Variants in TMEM163 observed in about 807,000 individuals in gnomAD.
TMEM163 encodes transmembrane protein 163.
In TMEM163, 17 loss-of-function variants were observed where a neutral mutation model predicts 29.3. The observed-to-expected ratio is 0.58, with a 90% CI of 0.40 to 0.87. TMEM163 has a LOEUF of 0.87. TMEM163 is among the 40% of genes least tolerant of loss of function. The pLI, the probability that TMEM163 is intolerant of heterozygous loss-of-function variation, is 0.00. For synonymous variants in TMEM163, 157 were observed against 160.6 expected (o/e 0.98, Z 0.17); for missense variants, 303 against 381.5 (o/e 0.79, Z 1.71).
chr2:134,506,261 C>T (rs1012996283), intron 4 of TMEM163, among the ~76,000 whole-genome samples: 22 of 152,140 alleles, frequency 1.4e-4, no homozygotes, highest in Admixed American at 1.4e-3. Flanking sequence ...CCACAGTCAC[C>T]CCTCCTTCCA....
intron 2 of TMEM163, among the ~76,000 whole-genome samples, chr2:134,686,378 C>T (rs61125201): frequency 0.11 from 17,410 of 152,160 alleles, 3,315 homozygotes; most frequent in African/African-American, 0.39. Flanking sequence ...AAAAGCAATC[C>T]GTACATATTA....
chr2:134,504,204 G>T (rs1321226654), intron 4 of TMEM163, among the ~76,000 whole-genome samples: 2 of 152,176 alleles, frequency 1.3e-5, no homozygotes, highest in African/African-American at 4.8e-5. Context: ...TCCACATTTA[G>T]GAGTGAGGAA....
intron 2 of TMEM163, among the ~76,000 whole-genome samples, chr2:134,673,783 A>G (rs1259783277): frequency 1.3e-5 from 2 of 152,208 alleles, no homozygotes; most frequent in Non-Finnish European, 2.9e-5. Context: ...CCCAAAGCCT[A>G]TGGAAAAACA....
chr2:134,681,136 T>C (rs1424313829), intron 2 of TMEM163, among the ~76,000 whole-genome samples: 2 of 152,280 alleles, frequency 1.3e-5, no homozygotes, highest in Non-Finnish European at 1.5e-5. Context: ...ATCCAACTTA[T>C]ACTGCCGGCT....
intron 2 of TMEM163, among the ~76,000 whole-genome samples, chr2:134,576,681 G>A (rs1384968272): frequency 6.6e-6 from 1 of 152,104 alleles, no homozygotes; most frequent in Non-Finnish European, 1.5e-5. Context: ...GGCCAGCAGG[G>A]GTCATACCTT....
At chr2:134,713,711 A>G (rs1684977377) in intron 1 of TMEM163, 8 of 459,774 alleles carry the variant, frequency 1.7e-5, no homozygotes, top group South Asian at 1.2e-4. Flanking sequence ...CAAACCACCC[A>G]CATTCAGCTG....
chr2:134,710,889 G>A (rs896346431), intron 2 of TMEM163, among the ~76,000 whole-genome samples: 3 of 152,142 alleles, frequency 2.0e-5, no homozygotes, highest in Non-Finnish European at 4.4e-5. Context: ...TAATTCTATA[G>A]CAATCCTCTT....
chr2:134,596,417 A>G (rs2104806368), intron 2 of TMEM163, among the ~76,000 whole-genome samples: 1 of 152,194 alleles, frequency 6.6e-6, no homozygotes, highest in African/African-American at 2.4e-5. Flanking sequence ...AAGATCAGAT[A>G]GTTGTAGATG....
At chr2:134,535,729 G>T (rs189136445) in intron 4 of TMEM163, among the ~76,000 whole-genome samples, 2,632 of 123,688 alleles carry the variant, frequency 0.021, 100 homozygotes, top group African/African-American at 0.087. Context: ...TTTTTTTTTT[G>T]TTTGTTTGTT....
intron 2 of TMEM163, among the ~76,000 whole-genome samples, chr2:134,694,290 G>A (rs1046214582): frequency 9.9e-5 from 15 of 152,150 alleles, no homozygotes; most frequent in African/African-American, 2.9e-4. Flanking sequence ...ACTGGGTCTC[G>A]CTAAGTTATT....
At chr2:134,677,386 C>A (rs1019809431) in intron 2 of TMEM163, among the ~76,000 whole-genome samples, 1 of 152,102 alleles carries the variant, frequency 6.6e-6, no homozygotes, top group Non-Finnish European at 1.5e-5. Flanking sequence ...AATCCACACA[C>A]GAAAAGGCAT....
intron 5 of TMEM163, among the ~76,000 whole-genome samples, chr2:134,476,167 T>C (rs548940272): frequency 3.9e-5 from 6 of 152,348 alleles, no homozygotes; most frequent in East Asian, 3.9e-4. Flanking sequence ...CACAGATATG[T>C]TCAGCAAGAA....
chr2:134,610,634 C>T (rs1307334892), intron 2 of TMEM163, among the ~76,000 whole-genome samples: 1 of 152,138 alleles, frequency 6.6e-6, no homozygotes, highest in African/African-American at 2.4e-5. Flanking sequence ...GGAATGCACA[C>T]GGGATTCGAG....
intron 2 of TMEM163, among the ~76,000 whole-genome samples, chr2:134,633,354 G>A (rs140515581): frequency 1.3e-3 from 201 of 152,292 alleles, no homozygotes; most frequent in African/African-American, 4.7e-3. Context: ...GGTGAGGGAG[G>A]AGGATAGGAG....
intron 2 of TMEM163, among the ~76,000 whole-genome samples, chr2:134,625,311 T>C (rs541772422): frequency 6.6e-6 from 1 of 152,348 alleles, no homozygotes; most frequent in African/African-American, 2.4e-5. Context: ...TCAATACACA[T>C]GGATTGCCAA....
chr2:134,616,550 G>A (rs889562170), intron 2 of TMEM163, among the ~76,000 whole-genome samples: 3 of 152,166 alleles, frequency 2.0e-5, no homozygotes, highest in African/African-American at 4.8e-5. Context: ...TAAGTGGCTG[G>A]TATCATCACT....
intron 4 of TMEM163, among the ~76,000 whole-genome samples, chr2:134,536,203 T>C (rs1680537145): frequency 1.3e-5 from 2 of 149,216 alleles, no homozygotes; most frequent in South Asian, 4.4e-4. Context: ...TACTACATTA[T>C]GTATAGCAAA....
At chr2:134,671,986 T>C (rs62171374) in intron 2 of TMEM163, among the ~76,000 whole-genome samples, 22,269 of 152,282 alleles carry the variant, frequency 0.15, 2,102 homozygotes, top group Middle Eastern at 0.4. Flanking sequence ...ATATATGTTA[T>C]CTATAATTAT....
At position 134,668,793 on chromosome 2, in the gene TMEM163, C is replaced by T. The variant is rs79430903; in HGVS notation, c.322+44407G>A. ...GTCACACACACACAAAAAAAATCTA[C>T]GAAGGGGACTAAGCATACATGTATA... is the stretch of plus-strand genomic sequence containing the variant. On this transcript the variant is annotated intron_variant, in intron 2 of 7. Coordinates refer to ENST00000281924, the MANE Select transcript of TMEM163 (RefSeq NM_030923.5). 3.9e-5 allele frequency among the ~76,000 whole-genome samples: 6 copies of T among 152,136 alleles called. 1 individual carries two copies. The highest frequency in any genetic ancestry group is 1.3e-4 in the Admixed American group (2 of 15,288).
Sources: allele counts gnomAD v4.1 joint callset (sites outside exome capture counted in the v4.1 genomes callset), GRCh38; gene constraint gnomAD v4.1.1; transcripts MANE v1.5; gene names NCBI Gene and HGNC (gene_info 2026-07-23, HGNC 2026-07-21).